The following LGR5 variants were observed in gnomAD, a reference collection of about 807,000 sequenced individuals.
The protein encoded by LGR5 is leucine-rich repeat-containing G protein-coupled receptor 5.
In LGR5, 54 loss-of-function variants were observed where a neutral mutation model predicts 76.7. That is an observed-to-expected ratio of 0.70 (90% CI 0.57 to 0.88). The LOEUF (loss-of-function observed/expected upper bound fraction) is 0.88, where lower values mean the gene tolerates loss of function less well. Among genes scored for constraint, LGR5 ranks in the 40% least tolerant of loss-of-function variants. The pLI is 0.00. For missense variants in LGR5, 1,078 were observed against 1,073.3 expected (o/e 1.00, Z -0.06); for synonymous variants, 406 against 421.9 (o/e 0.96, Z 0.46).
intron 4 of LGR5, 123 bp from the exon 5 acceptor site, chr12:71,552,950 C>T: frequency 2.7e-6 from 2 of 735,070 alleles, no homozygotes; most frequent in Non-Finnish European, 2.3e-6. Flanking sequence ...GATGTCAGGG[C>T]TCTCGGGGAC....
intron 2 of LGR5, among the ~76,000 whole-genome samples, chr12:71,517,015 A>T (rs1875478673): frequency 6.6e-6 from 1 of 152,118 alleles, no homozygotes; most frequent in Admixed American, 6.5e-5. Flanking sequence ...AAAAAAAAAA[A>T]AACTTCTGAC....
chr12:71,524,161 GTATAAGC>G (rs1476345334), intron 2 of LGR5, among the ~76,000 whole-genome samples: 11 of 152,122 alleles, frequency 7.2e-5, no homozygotes, highest in African/African-American at 4.8e-5. Context: ...TGTACATATG[GTATAAGC>G]TATTAAATTG....
chr12:71,529,469 G>T (rs1876188913), intron 3 of LGR5, among the ~76,000 whole-genome samples: 1 of 152,062 alleles, frequency 6.6e-6, no homozygotes, highest in Non-Finnish European at 1.5e-5. Flanking sequence ...CCTCCCACCA[G>T]GTCCCTCCCC....
intron 16 of LGR5, among the ~76,000 whole-genome samples, chr12:71,581,417 C>T (rs1211434699): frequency 6.6e-6 from 1 of 152,204 alleles, no homozygotes; most frequent in African/African-American, 2.4e-5. Context: ...GCCAACCCTG[C>T]GAGTTTGCAC....
At chr12:71,564,702 A>AT (rs1565761422) in intron 8 of LGR5, among the ~76,000 whole-genome samples, 12 of 13,956 alleles carry the variant, frequency 8.6e-4, no homozygotes, top group Non-Finnish European at 1.6e-3. Flanking sequence ...ATATGTACAC[A>AT]CACTGTATAT....
At position 71,440,184 on chromosome 12, in the gene LGR5, C is replaced by T. The variant is rs1249686998; in HGVS notation, c.104C>T (p.Pro35Leu). ...TCTGGTGTGTTGCTGAGGGGCTGCCCCACACACTGTCATTGCGAGCCCGAC... is the reference window on the plus strand; with the variant it reads ...TCTGGTGTGTTGCTGAGGGGCTGCCTCACACACTGTCATTGCGAGCCCGAC... ...PRSGVLLRGC[P>L]THCHCEPDGR... Residue 35 changes from proline to leucine, a missense_variant, in exon 1 of 18, where the codon CCC becomes CTC. Physicochemically the swap from Pro to Leu is moderately conservative, Grantham distance 98. Transcript: ENST00000266674. This position sits in a 1 kb window ranked among gnomAD's most constrained non-coding sequence, Gnocchi z 5.3. 2 of 1,612,034 alleles carry T rather than the reference C, an allele frequency of 1.2e-6. No homozygotes were observed. The highest frequency in any genetic ancestry group is 2.7e-5 in the African/African-American group (2 of 74,898).
At chr12:71,556,714 C>T in intron 6 of LGR5, 24 bp downstream of exon 6, 1 of 1,550,728 alleles carries the variant, frequency 6.4e-7, no homozygotes, top group Non-Finnish European at 8.9e-7. Flanking sequence ...TTATTTGTTT[C>T]CCTTTTTTCA....
chr12:71,443,068 T>C (rs1477393321), intron 1 of LGR5, among the ~76,000 whole-genome samples: 1 of 152,196 alleles, frequency 6.6e-6, no homozygotes, highest in Non-Finnish European at 1.5e-5. Flanking sequence ...TCATCATTTA[T>C]TTAGTCAAAA....
intron 2 of LGR5, among the ~76,000 whole-genome samples, chr12:71,518,687 T>C (rs1273784490): frequency 3.3e-5 from 5 of 152,162 alleles, no homozygotes; most frequent in Non-Finnish European, 7.3e-5. Flanking sequence ...AACAAGATCA[T>C]GTCCTTTGCA....
chr12:71,445,470 T>A (rs1871946835), intron 1 of LGR5, among the ~76,000 whole-genome samples: 1 of 152,324 alleles, frequency 6.6e-6, no homozygotes, highest in East Asian at 1.9e-4. Context: ...ATCCACACTT[T>A]AATTTAACCA....
At chr12:71,510,227 T>G (rs1235007447) in intron 2 of LGR5, among the ~76,000 whole-genome samples, 1 of 152,194 alleles carries the variant, frequency 6.6e-6, no homozygotes, top group Non-Finnish European at 1.5e-5. Flanking sequence ...ATCTGCCCAT[T>G]GATTATAAAC....
intron 11 of LGR5, 23 bp from the exon 12 acceptor site, chr12:71,571,491 T>C: frequency 1.3e-6 from 2 of 1,580,438 alleles, no homozygotes; most frequent in Non-Finnish European, 1.7e-6. Context: ...AGATTTTCCC[T>C]TTTTGCACCT....
At chr12:71,551,058 T>C (rs908620980) in intron 4 of LGR5, among the ~76,000 whole-genome samples, 6 of 152,268 alleles carry the variant, frequency 3.9e-5, no homozygotes, top group Non-Finnish European at 8.8e-5. Flanking sequence ...CTTAAGATGT[T>C]TGAAAGCTGT....
intron 1 of LGR5, among the ~76,000 whole-genome samples, chr12:71,503,890 G>A (rs1874723743): frequency 2.0e-5 from 3 of 151,904 alleles, no homozygotes; most frequent in Non-Finnish European, 4.4e-5. Context: ...AAATAGGGGG[G>A]AAAAAAACAG....
chr12:71,559,523 T>C (rs544087983), intron 6 of LGR5, 63 bp from the exon 7 acceptor site: 13 of 897,262 alleles, frequency 1.4e-5, no homozygotes, highest in Non-Finnish European at 2.2e-5. Context: ...TAACTTTCCT[T>C]GTAAATAGAG....
intron 3 of LGR5, among the ~76,000 whole-genome samples, chr12:71,529,761 A>T (rs35398365): frequency 0.095 from 14,365 of 151,988 alleles, 724 homozygotes; most frequent in Non-Finnish European, 0.11. Flanking sequence ...TTTAAGACCA[A>T]CCTGGCCAAC....
At chr12:71,566,371 T>G in intron 8 of LGR5, 33 bp from the exon 9 acceptor site, 1 of 1,362,884 alleles carries the variant, frequency 7.3e-7, no homozygotes, top group Non-Finnish European at 1.0e-6. Context: ...AATTTTATAC[T>G]AAGATATTAA....
At chr12:71,449,356 A>T (rs1466969691) in intron 1 of LGR5, among the ~76,000 whole-genome samples, 1 of 152,194 alleles carries the variant, frequency 6.6e-6, no homozygotes, top group African/African-American at 2.4e-5. Flanking sequence ...CCTGTTCTTC[A>T]GCAGCTGTTG....
At chr12:71,479,604 C>A (rs187446708) in intron 1 of LGR5, among the ~76,000 whole-genome samples, 2 of 151,708 alleles carry the variant, frequency 1.3e-5, no homozygotes, top group South Asian at 2.1e-4. Flanking sequence ...AGGACATATT[C>A]TTTGAGAGGA....
Sources: allele counts gnomAD v4.1 joint callset (sites outside exome capture counted in the v4.1 genomes callset), GRCh38; gene constraint gnomAD v4.1.1; non-coding constraint Gnocchi (gnomAD v3.1); transcripts MANE v1.5; gene names NCBI Gene and HGNC (gene_info 2026-07-23, HGNC 2026-07-21).